The following SOX5 variants were observed in gnomAD, a reference collection of about 807,000 sequenced individuals.
SOX5 encodes the protein transcription factor SOX-5.
In SOX5, 9 loss-of-function variants were observed where a neutral mutation model predicts 92.0. The observed-to-expected ratio is 0.10, with a 90% CI of 0.06 to 0.17. The LOEUF (loss-of-function observed/expected upper bound fraction) is 0.17. SOX5 is among the 10% of genes least tolerant of loss of function. The pLI, the probability that SOX5 is intolerant of heterozygous loss-of-function variation, is 1.00. For missense variants in SOX5, 642 were observed against 944.5 expected (o/e 0.68, Z 4.20); for synonymous variants, 344 against 336.3 (o/e 1.02, Z -0.25).
At chr12:23,841,412 T>C (rs1040193212) in intron 3 of SOX5, among the ~76,000 whole-genome samples, 4 of 152,046 alleles carry the variant, frequency 2.6e-5, no homozygotes, top group Non-Finnish European at 5.9e-5. Context: ...CTCCCAAGGC[T>C]AAAATATAAT....
At chr12:23,750,406 A>G (rs1404225280) in intron 4 of SOX5, among the ~76,000 whole-genome samples, 4 of 152,040 alleles carry the variant, frequency 2.6e-5, no homozygotes, top group African/African-American at 9.6e-5. Context: ...TGGTAGCCCA[A>G]TTTCCACAAG....
chr12:24,231,916 C>T (rs1036762844), intron 3 of SOX5, among the ~76,000 whole-genome samples: 1 of 152,130 alleles, frequency 6.6e-6, no homozygotes, highest in African/African-American at 2.4e-5. Context: ...TGAACTGTTC[C>T]TAGAACAGTG....
chr12:23,771,825 G>T (rs2094944860), intron 3 of SOX5, among the ~76,000 whole-genome samples: 1 of 152,136 alleles, frequency 6.6e-6, no homozygotes, highest in South Asian at 2.1e-4. Context: ...GTGCCTGAAA[G>T]ACCAGTAGCC....
At chr12:23,759,030 G>GACAC (rs61575999) in intron 3 of SOX5, among the ~76,000 whole-genome samples, 1,648 of 146,310 alleles carry the variant, frequency 0.011, 26 homozygotes, top group African/African-American at 0.036. Context: ...CACACACACA[G>GACAC]ACACACACAC....
intron 6 of SOX5, among the ~76,000 whole-genome samples, chr12:23,711,757 T>A (rs571249514): frequency 1.6e-4 from 24 of 152,252 alleles, no homozygotes; most frequent in Non-Finnish European, 3.2e-4. Flanking sequence ...GATAAAGTAA[T>A]TATCCTAACA....
At chr12:24,435,682 C>A (rs576150899) in intron 1 of SOX5, among the ~76,000 whole-genome samples, 91 of 152,270 alleles carry the variant, frequency 6.0e-4, no homozygotes, top group Middle Eastern at 3.4e-3. Context: ...ATGAGAAGAT[C>A]ACAATGAATA....
At chr12:23,692,609 A>G (rs1278287355) in intron 6 of SOX5, among the ~76,000 whole-genome samples, 1 of 152,214 alleles carries the variant, frequency 6.6e-6, no homozygotes, top group African/African-American at 2.4e-5. Flanking sequence ...TGTGTGTGTG[A>G]AAAGAATATT....
In SOX5 at chr12:23,577,150, T is replaced by TACAC. The variant is rs1197912028; in HGVS notation, c.1165-1316_1165-1313dup. Among the ~76,000 whole-genome samples, 892 of 117,558 alleles carry TACAC rather than the reference T, an allele frequency of 7.6e-3. 21 individuals carry two copies. The highest frequency in any genetic ancestry group is 0.026 in the African/African-American group (807 of 30,672). The allele number at this position is 117,558 out of a possible 152,430, so 77.1% of individuals were successfully genotyped here. A position where few individuals can be genotyped will look rare whatever the true frequency, so the allele number is the denominator to read the frequency against. On this transcript the variant is annotated intron_variant, in intron 9 of 14. Coordinates refer to ENST00000451604, the MANE Select transcript of SOX5 (RefSeq NM_006940.6). ...TCGATATCAAGTTTATATATATATATACACACACACACACACACACACACA... is the reference window on the plus strand; with the variant it reads ...TCGATATCAAGTTTATATATATATATACACACACACACACACACACACACACACA...
intron 2 of SOX5, among the ~76,000 whole-genome samples, chr12:23,851,203 T>C (rs2096629964): frequency 6.6e-6 from 1 of 152,124 alleles, no homozygotes. Context: ...TAGAAAGAGA[T>C]ACATATTTTA....
intron 4 of SOX5, among the ~76,000 whole-genome samples, chr12:23,979,114 T>C (rs1297109854): frequency 6.9e-6 from 1 of 144,810 alleles, no homozygotes; most frequent in African/African-American, 2.5e-5. Context: ...TTAGGTATAA[T>C]TTTTTTTTAA....
rs1555114874 is a variant in SOX5 at position 23,530,816 on chromosome 12, T to TGC, written c.*3402_*3403insGC. Reference sequence around the variant, plus strand: ...TGGGGCAAGTGTGTGTGTGTGTGTGTGTGCGCGCGCGCGCGCGCGCATGTG... The same window carrying TGC: ...TGGGGCAAGTGTGTGTGTGTGTGTGTGCGTGCGCGCGCGCGCGCGCGCATGTG... On this transcript the variant is annotated 3_prime_UTR_variant, in exon 15 of 15. Coordinates refer to ENST00000451604, the MANE Select transcript of SOX5 (RefSeq NM_006940.6). 2 of 132,566 alleles carry TGC rather than the reference T, an allele frequency of 1.5e-5. No homozygotes were observed. Among genetic ancestry groups the TGC allele is most frequent in the African/African-American group, 5.3e-5 (2 of 37,466 alleles). 8.2% of individuals were successfully genotyped at this position (132,566 alleles called of 1,614,324 possible). A position where few individuals can be genotyped will look rare whatever the true frequency, so the allele number is the denominator to read the frequency against.
At chr12:24,305,476 T>G (rs916358589) in intron 2 of SOX5, among the ~76,000 whole-genome samples, 2 of 152,074 alleles carry the variant, frequency 1.3e-5, no homozygotes, top group African/African-American at 4.8e-5. Flanking sequence ...AGATAAAGAG[T>G]GTCTGCTACG....
intron 4 of SOX5, among the ~76,000 whole-genome samples, chr12:24,091,434 T>C (rs1468064329): frequency 1.3e-5 from 2 of 149,258 alleles, no homozygotes; most frequent in Non-Finnish European, 3.0e-5. Context: ...TGCTATTTTT[T>C]TTTTTTTTTT....
intron 2 of SOX5, among the ~76,000 whole-genome samples, chr12:24,320,864 CAA>C (rs71063308): frequency 7.4e-6 from 1 of 135,676 alleles, no homozygotes; most frequent in Non-Finnish European, 1.6e-5. Flanking sequence ...GACTCTGTCT[CAA>C]AAAAAAATAA....
chr12:24,391,154 T>C (rs1185364685), intron 1 of SOX5, among the ~76,000 whole-genome samples: 1 of 152,198 alleles, frequency 6.6e-6, no homozygotes, highest in African/African-American at 2.4e-5. Context: ...GTGGTTTTAA[T>C]TTGCATTTCT....
At chr12:23,692,243 G>A (rs927832145) in intron 6 of SOX5, among the ~76,000 whole-genome samples, 13 of 151,792 alleles carry the variant, frequency 8.6e-5, no homozygotes, top group African/African-American at 2.9e-4. Flanking sequence ...GACCAGCACG[G>A]CCAACATAGT....
chr12:24,191,559 A>G (rs1251795097), intron 4 of SOX5, among the ~76,000 whole-genome samples: 1 of 152,220 alleles, frequency 6.6e-6, no homozygotes, highest in Admixed American at 6.5e-5. Context: ...CTGTCTGACC[A>G]GATACGTTCC....
intron 5 of SOX5, 68 bp from the exon 6 acceptor site, chr12:23,734,820 C>A: frequency 7.7e-7 from 1 of 1,295,988 alleles, no homozygotes; most frequent in South Asian, 1.2e-5. Context: ...TACTAATGTT[C>A]TGTTTCTCAA....
chr12:23,802,375 C>A (rs111973724), intron 3 of SOX5, among the ~76,000 whole-genome samples: 20 of 152,068 alleles, frequency 1.3e-4, no homozygotes, highest in Non-Finnish European at 4.4e-5. Context: ...CCACTGCGCC[C>A]GGCCTTTTCT....
Sources: allele counts gnomAD v4.1 joint callset (sites outside exome capture counted in the v4.1 genomes callset), GRCh38; gene constraint gnomAD v4.1.1; transcripts MANE v1.5; gene names NCBI Gene and HGNC (gene_info 2026-07-23, HGNC 2026-07-21).